Variants in ARHGEF7 observed in about 807,000 individuals in gnomAD.
The protein encoded by ARHGEF7 is Rho guanine nucleotide exchange factor 7, also known as PAK-interacting exchange factor beta.
In ARHGEF7, 33 loss-of-function variants were observed where a neutral mutation model predicts 109.8. The ratio of observed to expected loss-of-function variants is 0.30; its 90% CI spans 0.23 to 0.40. The LOEUF (loss-of-function observed/expected upper bound fraction) is 0.40. Among genes scored for constraint, ARHGEF7 ranks in the 10% least tolerant of loss-of-function variants. ARHGEF7 has a pLI of 1.00. For missense variants in ARHGEF7, 938 were observed against 1,098.5 expected (o/e 0.85, Z 2.07); for synonymous variants, 458 against 424.6 (o/e 1.08, Z -0.97).
intron 4 of ARHGEF7, among the ~76,000 whole-genome samples, chr13:111,211,788 C>A (rs1478084705): frequency 6.6e-6 from 1 of 152,190 alleles, no homozygotes; most frequent in Non-Finnish European, 1.5e-5. Flanking sequence ...CCTAACATTC[C>A]TTTGAAGCTG....
intron 6 of ARHGEF7, among the ~76,000 whole-genome samples, chr13:111,236,282 CT>C (rs1346075389): frequency 6.6e-6 from 1 of 152,198 alleles, no homozygotes; most frequent in Non-Finnish European, 1.5e-5. Flanking sequence ...TTTATAACAG[CT>C]GCTTTGAAAC....
chr13:111,249,888 G>A (rs58298903), intron 8 of ARHGEF7, among the ~76,000 whole-genome samples: 4,481 of 152,298 alleles, frequency 0.029, 222 homozygotes, highest in African/African-American at 0.1. Context: ...AAGGCAGACA[G>A]TGTTGCACAG....
chr13:111,285,128 A>T (rs2092963845), intron 16 of ARHGEF7, among the ~76,000 whole-genome samples: 1 of 152,168 alleles, frequency 6.6e-6, no homozygotes, highest in African/African-American at 2.4e-5. Context: ...CCCAAATAGG[A>T]AACATTGTAC....
chr13:111,193,880 G>T (rs1041974040), intron 2 of ARHGEF7, among the ~76,000 whole-genome samples: 1 of 152,196 alleles, frequency 6.6e-6, no homozygotes, highest in Non-Finnish European at 1.5e-5. Flanking sequence ...CCATCCTCTG[G>T]GAGAAAAGTG....
intron 3 of ARHGEF7, among the ~76,000 whole-genome samples, chr13:111,206,226 C>G (rs1292457818): frequency 6.6e-6 from 1 of 151,218 alleles, no homozygotes; most frequent in Non-Finnish European, 1.5e-5. Flanking sequence ...TTCGTCTGGC[C>G]CTTCAGAGGG....
intron 4 of ARHGEF7, among the ~76,000 whole-genome samples, chr13:111,215,578 G>A (rs1267927641): frequency 1.3e-5 from 2 of 152,146 alleles, no homozygotes; most frequent in African/African-American, 2.4e-5. Context: ...GCAGAGCCAC[G>A]TTGTATGCTA....
chr13:111,142,289 G>A (rs968258646), intron 1 of ARHGEF7, among the ~76,000 whole-genome samples: 5 of 152,150 alleles, frequency 3.3e-5, no homozygotes, highest in East Asian at 1.9e-4. Flanking sequence ...CAAGGACTTC[G>A]GCTTTTCCTG....
chr13:111,122,225 GGAGCGGGAGGGCT>G, intron 1 of ARHGEF7, among the ~76,000 whole-genome samples: 1 of 152,294 alleles, frequency 6.6e-6, no homozygotes, highest in African/African-American at 2.4e-5. Flanking sequence ...TGCTGGTTGG[GGAGCGGGAGGGCT>G]GAGCGGGTGG....
At chr13:111,268,230 T>G (rs2091834847) in intron 9 of ARHGEF7, among the ~76,000 whole-genome samples, 1 of 152,196 alleles carries the variant, frequency 6.6e-6, no homozygotes, top group South Asian at 2.1e-4. Flanking sequence ...CTGAGGAGGA[T>G]CTCAGTCATT....
intron 6 of ARHGEF7, chr13:111,241,446 G>A: frequency 8.5e-7 from 1 of 1,174,808 alleles, no homozygotes; most frequent in Non-Finnish European, 1.2e-6. Flanking sequence ...CTGTGTGTTT[G>A]AGGAAAAGTT....
At chr13:111,275,791 T>G (rs2092441668) in intron 12 of ARHGEF7, 113 bp downstream of exon 12, 2 of 1,357,126 alleles carry the variant, frequency 1.5e-6, no homozygotes, top group Non-Finnish European at 2.1e-6. Flanking sequence ...AAGCTCTATC[T>G]TATAATTTGT....
At chr13:111,155,373 ATAGAT>A (rs1204797962) in intron 2 of ARHGEF7, among the ~76,000 whole-genome samples, 1 of 152,266 alleles carries the variant, frequency 6.6e-6, no homozygotes, top group Non-Finnish European at 1.5e-5. Flanking sequence ...GTAGGAATTC[ATAGAT>A]TAAAGTATTA....
At chr13:111,123,874 C>CCT (rs1491551828) in intron 1 of ARHGEF7, among the ~76,000 whole-genome samples, 1 of 125,096 alleles carries the variant, frequency 8.0e-6, no homozygotes, top group African/African-American at 3.0e-5. Flanking sequence ...CCCCCCCCCC[C>CCT]GGCCCCGCCC....
At chr13:111,163,556 T>C (rs2076903196) in intron 2 of ARHGEF7, among the ~76,000 whole-genome samples, 1 of 151,918 alleles carries the variant, frequency 6.6e-6, no homozygotes, top group Non-Finnish European at 1.5e-5. Context: ...CATTTTTAAA[T>C]ATTTATTTAT....
rs923081286 is a variant in ARHGEF7, at chr13:111,228,608, G to T, written c.671-4597G>T. The stretch of plus-strand genomic sequence containing the variant: ...GTAATGGCACAATTATAACATTTTC[G>T]AACAAAGATCGAGCGTCTTAGCAGA... On this transcript the variant is annotated intron_variant, in intron 5 of 21. Coordinates refer to ENST00000646102, the MANE Select transcript of ARHGEF7 (RefSeq NM_001354046.2). The surrounding 1 kb of genome is among the most constrained non-coding windows in gnomAD (Gnocchi z 4.6). 6.6e-6 allele frequency among the ~76,000 whole-genome samples: 1 copy of T among 152,066 alleles called. No homozygotes were observed. Among genetic ancestry groups the T allele is most frequent in the African/African-American group, 2.4e-5 (1 of 41,378 alleles).
At chr13:111,296,104 C>G (rs894453314) in intron 19 of ARHGEF7, among the ~76,000 whole-genome samples, 2 of 152,138 alleles carry the variant, frequency 1.3e-5, no homozygotes, top group East Asian at 1.9e-4. Flanking sequence ...GTGGTGGTCG[C>G]GAGCTGGCAC....
intron 17 of ARHGEF7, among the ~76,000 whole-genome samples, chr13:111,287,241 G>A (rs1197571893): frequency 6.6e-6 from 1 of 152,220 alleles, no homozygotes; most frequent in African/African-American, 2.4e-5. Flanking sequence ...GGCCCCTGAT[G>A]AGATGGTGAG....
chr13:111,174,272 A>G (rs894596385), intron 2 of ARHGEF7, among the ~76,000 whole-genome samples: 2 of 152,232 alleles, frequency 1.3e-5, no homozygotes, highest in African/African-American at 2.4e-5. Flanking sequence ...AAGATCATTT[A>G]CTGATTTTTA....
chr13:111,259,754 G>GA (rs1296335391), intron 8 of ARHGEF7, among the ~76,000 whole-genome samples: 1 of 152,156 alleles, frequency 6.6e-6, no homozygotes, highest in East Asian at 1.9e-4. Flanking sequence ...GTCCATCCAG[G>GA]AAAACAGGAA....
Sources: allele counts gnomAD v4.1 joint callset (sites outside exome capture counted in the v4.1 genomes callset), GRCh38; gene constraint gnomAD v4.1.1; non-coding constraint Gnocchi (gnomAD v3.1); transcripts MANE v1.5; gene names NCBI Gene and HGNC (gene_info 2026-07-23, HGNC 2026-07-21).